Variants in LRP1B observed in about 807,000 individuals in gnomAD.
LRP1B encodes the protein LDL receptor related protein 1B.
LRP1B carries 217 observed loss-of-function variants against 556.6 expected under a neutral mutation model. The ratio of observed to expected loss-of-function variants is 0.39; its 90% CI spans 0.35 to 0.44. LRP1B has a LOEUF of 0.44. LRP1B is among the 20% of genes least tolerant of loss of function. The probability of loss-of-function intolerance (pLI) is 1.00; values close to 1 mark genes in which losing one functional copy is unlikely to be tolerated. For missense variants in LRP1B, 5,053 were observed against 5,620.8 expected (o/e 0.90, Z 3.23); for synonymous variants, 2,047 against 1,865.8 (o/e 1.10, Z -2.50).
chr2:141,764,413 A>G (rs1267172668), intron 2 of LRP1B, among the ~76,000 whole-genome samples: 2 of 151,432 alleles, frequency 1.3e-5, no homozygotes, highest in Admixed American at 6.6e-5. Context: ...TGATCTCCTG[A>G]CCTCGTGATC....
At chr2:140,357,332 G>T (rs549128663) in intron 74 of LRP1B, among the ~76,000 whole-genome samples, 3 of 151,408 alleles carry the variant, frequency 2.0e-5, no homozygotes, top group African/African-American at 7.3e-5. Context: ...ATATCCTGGT[G>T]GGTATTGCTT....
chr2:141,851,418 A>C (rs886269304), intron 1 of LRP1B, among the ~76,000 whole-genome samples: 6 of 151,824 alleles, frequency 4.0e-5, no homozygotes, highest in Admixed American at 2.0e-4. Context: ...TCTGCTATAC[A>C]CTGAAATATA....
chr2:140,982,592 A>T (rs1696803914), intron 17 of LRP1B, among the ~76,000 whole-genome samples: 1 of 152,070 alleles, frequency 6.6e-6, no homozygotes, highest in Admixed American at 6.6e-5. Flanking sequence ...TATGAATATA[A>T]GGTTGAATTA....
At chr2:140,984,084 G>C in intron 17 of LRP1B, among the ~76,000 whole-genome samples, 1 of 151,688 alleles carries the variant, frequency 6.6e-6, no homozygotes, top group East Asian at 1.9e-4. Context: ...CCTAGAGAAG[G>C]ATATAGAAAT....
At chr2:141,934,095 G>T (rs772207370) in intron 1 of LRP1B, among the ~76,000 whole-genome samples, 2 of 152,110 alleles carry the variant, frequency 1.3e-5, no homozygotes, top group South Asian at 4.1e-4. Flanking sequence ...AATAGCCAAG[G>T]ATATTTGAAT....
At chr2:141,922,767 C>T (rs1312261080) in intron 1 of LRP1B, among the ~76,000 whole-genome samples, 1 of 152,100 alleles carries the variant, frequency 6.6e-6, no homozygotes, top group Non-Finnish European at 1.5e-5. Flanking sequence ...AGAAGCTCAG[C>T]TATCTTAAGT....
chr2:142,074,964 C>T (rs1705446286), intron 1 of LRP1B, among the ~76,000 whole-genome samples: 1 of 152,014 alleles, frequency 6.6e-6, no homozygotes, highest in African/African-American at 2.4e-5. Flanking sequence ...GTGTCCATTC[C>T]ACAAAAACTT....
In LRP1B at chr2:141,984,331, A is replaced by G. The variant is rs941106381; in HGVS notation, c.82+146317T>C. 4.7e-5 allele frequency among the ~76,000 whole-genome samples: 7 copies of G among 149,506 alleles called. No individual in the cohort carries two copies. The South Asian group carries it at 6.4e-4, about 14-fold the overall frequency. On this transcript the variant is annotated intron_variant, in intron 1 of 90. Coordinates refer to ENST00000389484, the MANE Select transcript of LRP1B (RefSeq NM_018557.3). ...ATGAATAAAAATTTGGGAAAGGGGG[A>G]AAAAAAAAGAATAAAGTTTGAGAGT... is the stretch of plus-strand genomic sequence containing the variant.
intron 3 of LRP1B, among the ~76,000 whole-genome samples, chr2:141,263,530 A>C (rs1358767436): frequency 1.3e-5 from 2 of 152,134 alleles, no homozygotes; most frequent in Admixed American, 1.3e-4. Flanking sequence ...ACTTTCCCAC[A>C]CAAAAATGCT....
At chr2:140,822,593 G>A (rs1691365142) in intron 31 of LRP1B, among the ~76,000 whole-genome samples, 1 of 152,180 alleles carries the variant, frequency 6.6e-6, no homozygotes, top group Admixed American at 6.5e-5. Flanking sequence ...GGCACAATTG[G>A]CTAAGAGGTG....
chr2:140,601,984 T>A (rs7586084), intron 41 of LRP1B, among the ~76,000 whole-genome samples: 17,927 of 152,114 alleles, frequency 0.12, 1,115 homozygotes, highest in Middle Eastern at 0.16. Context: ...AGAGATGTTT[T>A]GGAAAACCTT....
chr2:141,226,095 T>G (rs1683233930), intron 6 of LRP1B, among the ~76,000 whole-genome samples: 1 of 144,800 alleles, frequency 6.9e-6, no homozygotes, highest in Admixed American at 7.4e-5. Context: ...TACAATTATC[T>G]AACTGCTCAG....
chr2:141,096,627 GGGGAGAGAGAGAGAGAGAGAGAGAGA>G (rs1490280308), intron 7 of LRP1B, among the ~76,000 whole-genome samples: 29 of 50,548 alleles, frequency 5.7e-4, no homozygotes, highest in South Asian at 1.5e-3. Context: ...ACGGGGAGAG[GGGGAGAGAGAGAGAGAGAGAGAGAGA>G]GAGAGAGAGA....
At chr2:141,950,221 G>T (rs1343147808) in intron 1 of LRP1B, among the ~76,000 whole-genome samples, 1 of 151,982 alleles carries the variant, frequency 6.6e-6, no homozygotes, top group East Asian at 1.9e-4. Context: ...TTTCCAAATT[G>T]AATTTCTGAA....
At chr2:140,925,915 T>C (rs928038083) in intron 20 of LRP1B, among the ~76,000 whole-genome samples, 2 of 152,164 alleles carry the variant, frequency 1.3e-5, no homozygotes, top group African/African-American at 4.8e-5. Flanking sequence ...TGTTATTGTC[T>C]AAGGTTTTTT....
intron 3 of LRP1B, among the ~76,000 whole-genome samples, chr2:141,441,871 A>G (rs1680991101): frequency 6.6e-6 from 1 of 152,226 alleles, no homozygotes; most frequent in South Asian, 2.1e-4. Context: ...TCAATTTGTC[A>G]GGACATTCAA....
intron 85 of LRP1B, among the ~76,000 whole-genome samples, chr2:140,272,663 C>G (rs550921837): frequency 6.6e-6 from 1 of 151,960 alleles, no homozygotes; most frequent in Admixed American, 6.6e-5. Flanking sequence ...ACCTATAAAA[C>G]AGAAATTCTA....
intron 41 of LRP1B, among the ~76,000 whole-genome samples, chr2:140,669,929 T>C (rs941572379): frequency 2.6e-5 from 4 of 152,172 alleles, no homozygotes; most frequent in Admixed American, 6.5e-5. Flanking sequence ...TTTGCCTGCA[T>C]TGAATCTTGT....
Position 141,810,168 on chromosome 2 carries a change from G to GAAAGAAAGAAAGAAA in LRP1B, c.205+110_205+111insTTTCTTTCTTTCTTT, listed in dbSNP as rs1553467624. The stretch of plus-strand genomic sequence containing the variant: ...AAGAAAGAAAGAAAGAAAGAAAGAA[G>GAAAGAAAGAAAGAAA]GAAAGAAAGAAAGAAAGAATCATCT... On this transcript the variant is annotated intron_variant, in intron 2 of 90. Transcript: ENST00000389484. 117 of 235,972 alleles carry GAAAGAAAGAAAGAAA rather than the reference G, an allele frequency of 5.0e-4. 4 individuals carry two copies. In the Middle Eastern group the frequency reaches 5.5e-3, roughly 11 times the overall value. 14.6% of individuals were successfully genotyped at this position (235,972 alleles called of 1,614,324 possible).
Sources: allele counts gnomAD v4.1 joint callset (sites outside exome capture counted in the v4.1 genomes callset), GRCh38; gene constraint gnomAD v4.1.1; transcripts MANE v1.5; gene names NCBI Gene and HGNC (gene_info 2026-07-23, HGNC 2026-07-21).